Variants in KY observed in about 807,000 individuals in gnomAD.
KY encodes the protein kyphoscoliosis peptidase.
In KY, 43 loss-of-function variants were observed where a neutral mutation model predicts 76.1. That is an observed-to-expected ratio of 0.57 (90% CI 0.44 to 0.73). The LOEUF (loss-of-function observed/expected upper bound fraction) is 0.73, where lower values mean the gene tolerates loss of function less well. Ranked by LOEUF, KY falls within the 30% of genes least tolerant of loss-of-function variation. The pLI, the probability that KY is intolerant of heterozygous loss-of-function variation, is 0.00. For missense variants in KY, 722 were observed against 828.9 expected (o/e 0.87, Z 1.58); for synonymous variants, 277 against 326.2 (o/e 0.85, Z 1.63).
chr3:134,606,485 TG>T (rs1207929502), intron 10 of KY, among the ~76,000 whole-genome samples: 1 of 152,152 alleles, frequency 6.6e-6, no homozygotes, highest in Non-Finnish European at 1.5e-5. Flanking sequence ...AATGTCCCCG[TG>T]GCAAAGCAGC....
At position 134,610,207 on chromosome 3, in the gene KY, T is replaced by C. The variant is rs994501570; in HGVS notation, c.887A>G (p.Lys296Arg). Residue 296 changes from lysine (K) to arginine (R), a missense_variant, in exon 9 of 11, where the codon AAA becomes AGA. Lys to Arg is a conservative substitution (Grantham distance 26). Transcript: ENST00000423778. ...GSGLVDTITS[K>R]FTFLYNEFYF... is the part of the protein sequence containing the mutation. ...GACAAGTACTTACAGGAAGGTGAAT[T>C]TGGAGGTGATGGTGTCCACCAGGCC... The C allele has an allele frequency of 2.5e-6, 4 of 1,612,374 alleles. No individual in the cohort carries two copies. The highest frequency in any genetic ancestry group is 1.3e-5 in the African/African-American group (1 of 74,790).
chr3:134,605,388 C>T (rs1161920931), intron 10 of KY, among the ~76,000 whole-genome samples: 1 of 152,146 alleles, frequency 6.6e-6, no homozygotes, highest in Admixed American at 6.5e-5. Context: ...GAGAGGCTGT[C>T]TGATCCATGT....
rs750954257 is a variant in KY, at chr3:134,620,873, G to A, written c.484-16C>T. 2 of 1,560,480 alleles carry A rather than the reference G, an allele frequency of 1.3e-6. No homozygotes were observed. The highest frequency in any genetic ancestry group is 2.3e-5 in the South Asian group (2 of 88,438). ...TGGCTGTCACCTGGGGAGCAGGAAG[G>A]GTGTGCTGTATTAGGGCCTCGAGGA... On this transcript the variant is annotated splice_polypyrimidine_tract_variant and intron_variant, in intron 6 of 10. Coordinates refer to ENST00000423778, the MANE Select transcript of KY (RefSeq NM_178554.6).
intron 5 of KY, 42 bp downstream of exon 5, chr3:134,627,714 T>A (rs775597930): frequency 3.8e-6 from 6 of 1,568,368 alleles, no homozygotes; most frequent in Non-Finnish European, 5.3e-6. Flanking sequence ...GCTAAACCCA[T>A]GTGCTCTCTT....
intron 1 of KY, among the ~76,000 whole-genome samples, chr3:134,650,259 T>C (rs779338283): frequency 6.6e-6 from 1 of 152,212 alleles, no homozygotes; most frequent in Non-Finnish European, 1.5e-5. Flanking sequence ...GTTTCAAATC[T>C]TACCCTATCC....
intron 3 of KY, among the ~76,000 whole-genome samples, chr3:134,632,557 T>C (rs944393090): frequency 1.3e-4 from 19 of 151,956 alleles, no homozygotes; most frequent in Admixed American, 1.2e-3. Context: ...TTTGAACTCA[T>C]TGAAAATGAA....
At chr3:134,620,444 G>A (rs1303355042) in intron 7 of KY, among the ~76,000 whole-genome samples, 1 of 152,200 alleles carries the variant, frequency 6.6e-6, no homozygotes, top group Non-Finnish European at 1.5e-5. Flanking sequence ...TCTCTGTGGA[G>A]ATAAGACAGA....
chr3:134,641,532 A>G (rs1965761313), intron 3 of KY, among the ~76,000 whole-genome samples: 2 of 152,164 alleles, frequency 1.3e-5, no homozygotes. Flanking sequence ...GAGGCAAGGA[A>G]TGAATGCACC....
At chr3:134,617,436 T>C (rs944014311) in intron 8 of KY, among the ~76,000 whole-genome samples, 1 of 151,408 alleles carries the variant, frequency 6.6e-6, no homozygotes, top group Non-Finnish European at 1.5e-5. Flanking sequence ...GCAGGGGAGG[T>C]AGAAGGAGAG....
Position 134,604,092 on chromosome 3 carries a change from A to G in KY, c.1473T>C (p.Asn491=). The G allele has an allele frequency of 6.2e-7, 1 of 1,613,232 alleles. No homozygotes were observed. Among genetic ancestry groups the G allele is most frequent in the Non-Finnish European group, 8.5e-7 (1 of 1,179,496 alleles). ...SISFSVEEGI[N]VLASLHGDDG... ...CATCCCCGTGGAGGGAAGCCAGGACATTAATGCCCTCCTCCACGCTGAAGC... is the reference window on the plus strand; with the variant it reads ...CATCCCCGTGGAGGGAAGCCAGGACGTTAATGCCCTCCTCCACGCTGAAGC... The change falls in exon 11 of 11, where the codon AAT becomes AAC. Residue 491 remains asparagine, a synonymous_variant. Coordinates refer to ENST00000423778, the MANE Select transcript of KY (RefSeq NM_178554.6).
intron 8 of KY, 112 bp downstream of exon 8, chr3:134,619,034 CAG>C (rs1962103216): frequency 2.5e-6 from 2 of 813,162 alleles, no homozygotes; most frequent in Admixed American, 2.0e-5. Flanking sequence ...GGTTCCAGAG[CAG>C]AGTTTGTAAA....
At chr3:134,650,440 T>C (rs1266295989) in intron 1 of KY, among the ~76,000 whole-genome samples, 1 of 152,130 alleles carries the variant, frequency 6.6e-6, no homozygotes, top group Non-Finnish European at 1.5e-5. Flanking sequence ...TGCCCTGCAG[T>C]GTGCTGTGGG....
chr3:134,632,874 G>A (rs992129638), intron 3 of KY, among the ~76,000 whole-genome samples: 4 of 151,918 alleles, frequency 2.6e-5, no homozygotes. Context: ...AGAAAAAAAA[G>A]AGGCAAGACA....
chr3:134,633,941 T>C (rs1484472531), intron 3 of KY, among the ~76,000 whole-genome samples: 3 of 152,206 alleles, frequency 2.0e-5, no homozygotes, highest in Non-Finnish European at 4.4e-5. Flanking sequence ...CAAACATCGA[T>C]TGTATTTCTG....
intron 8 of KY, among the ~76,000 whole-genome samples, chr3:134,615,869 C>T (rs1156394071): frequency 6.6e-6 from 1 of 152,250 alleles, no homozygotes; most frequent in African/African-American, 2.4e-5. Context: ...ACTGCACACA[C>T]TCCTGCCCCT....
intron 3 of KY, among the ~76,000 whole-genome samples, chr3:134,635,200 C>G (rs549444191): frequency 6.6e-6 from 1 of 152,244 alleles, no homozygotes; most frequent in East Asian, 1.9e-4. Flanking sequence ...ACATCCATAT[C>G]AAGAAATAGT....
At chr3:134,634,444 A>G (rs1010303745) in intron 3 of KY, among the ~76,000 whole-genome samples, 8 of 152,242 alleles carry the variant, frequency 5.3e-5, no homozygotes, top group African/African-American at 1.9e-4. Context: ...ACTCACACAA[A>G]CATAGCAAAA....
chr3:134,643,207 A>C (rs1440035430), intron 3 of KY, 109 bp downstream of exon 3: 6 of 976,454 alleles, frequency 6.1e-6, no homozygotes, highest in Non-Finnish European at 9.4e-6. Context: ...AGCAGAGAGG[A>C]CCCTGCTCCC....
intron 7 of KY, among the ~76,000 whole-genome samples, chr3:134,619,773 G>T (rs1013409881): frequency 6.6e-6 from 1 of 152,216 alleles, no homozygotes; most frequent in Non-Finnish European, 1.5e-5. Flanking sequence ...AGTCTCTGTA[G>T]CTATTGAGGA....
Sources: gnomAD v4.1 joint callset for allele counts (sites outside exome capture counted in the v4.1 genomes callset) on GRCh38, gnomAD v4.1.1 for gene constraint, MANE v1.5 for transcripts, NCBI Gene and HGNC (gene_info 2026-07-23, HGNC 2026-07-21) for gene names.